The following VPS50 variants were observed in gnomAD, a reference collection of about 807,000 sequenced individuals.
VPS50 encodes the protein VPS50 subunit of EARP/GARPII complex, also known as syndetin.
In VPS50, 70 loss-of-function variants were observed where a neutral mutation model predicts 139.7. The observed-to-expected ratio is 0.50, with a 90% CI of 0.41 to 0.61. The LOEUF (loss-of-function observed/expected upper bound fraction) is 0.61, where lower values mean the gene tolerates loss of function less well. Ranked by LOEUF, VPS50 falls within the 20% of genes least tolerant of loss-of-function variation. The probability of loss-of-function intolerance (pLI) is 0.00; values close to 1 mark genes in which losing one functional copy is unlikely to be tolerated. For missense variants in VPS50, 921 were observed against 1,133.7 expected, an observed-to-expected ratio of 0.81 and a Z score of 2.69; for synonymous variants, 365 against 376.7, an observed-to-expected ratio of 0.97 and a Z score of 0.36.
intron 2 of VPS50, among the ~76,000 whole-genome samples, chr7:93,246,700 T>A (rs1411347524): frequency 6.6e-6 from 1 of 151,868 alleles, no homozygotes; most frequent in African/African-American, 2.4e-5. Context: ...TATTTTTAAT[T>A]AGTGTGGTAT....
intron 21 of VPS50, among the ~76,000 whole-genome samples, chr7:93,329,327 C>G (rs1258868386): frequency 6.6e-6 from 1 of 151,830 alleles, no homozygotes; most frequent in Admixed American, 6.6e-5. Context: ...AAAATTTACT[C>G]AATATACTTA....
intron 20 of VPS50, among the ~76,000 whole-genome samples, chr7:93,315,449 A>C (rs1797398356): frequency 6.6e-6 from 1 of 152,212 alleles, no homozygotes. Flanking sequence ...GAGTATATAC[A>C]TTTCCAGTTT....
In VPS50 at chr7:93,323,604, T is replaced by C. The variant is rs1797684082; in HGVS notation, c.1856-7T>C. On this transcript the variant is annotated splice_region_variant and splice_polypyrimidine_tract_variant and intron_variant, in intron 20 of 27. Transcript: ENST00000305866. ...CTGCTTAATTTTTTATTCTTTTTTC[T>C]TTTCAGGAAAATATATGCAGATGAT... 1 of 1,223,756 alleles carries C rather than the reference T, an allele frequency of 8.2e-7. No homozygotes were observed. Among genetic ancestry groups the C allele is most frequent in the East Asian group, 2.8e-5 (1 of 35,960 alleles). 75.8% of individuals were successfully genotyped at this position (1,223,756 alleles called of 1,614,324 possible). A position where few individuals can be genotyped will look rare whatever the true frequency, so the allele number is the denominator to read the frequency against.
chr7:93,257,603 G>A, intron 6 of VPS50, 139 bp downstream of exon 6: 1 of 547,480 alleles, frequency 1.8e-6, no homozygotes, highest in Non-Finnish European at 3.2e-6. Flanking sequence ...CATATATCAT[G>A]ATCTAAAGAC....
rs762096970 is a variant in VPS50 at position 93,237,563 on chromosome 7, C to T, written c.34-2303C>T. 3.3e-5 allele frequency among the ~76,000 whole-genome samples: 5 copies of T among 152,086 alleles called. No individual in the cohort carries two copies. The East Asian group carries it at 9.6e-4, about 29-fold the overall frequency. On this transcript the variant is annotated intron_variant, in intron 1 of 27. Coordinates refer to ENST00000305866, the MANE Select transcript of VPS50 (RefSeq NM_017667.4). ...TACATTTCAGGCATTGGTTTCTTTA[C>T]GGACTAGCTCTGGGGAAAGAGAAAT...
chr7:93,342,810 T>G (rs1798261711), intron 23 of VPS50, among the ~76,000 whole-genome samples: 2 of 152,008 alleles, frequency 1.3e-5, no homozygotes, highest in South Asian at 4.1e-4. Flanking sequence ...AGAAAGGACA[T>G]CCACACCAAA....
At chr7:93,257,638 T>C in intron 6 of VPS50, 174 bp downstream of exon 6, 1 of 470,386 alleles carries the variant, frequency 2.1e-6, no homozygotes, top group East Asian at 3.5e-5. Context: ...TTGTGGGAAA[T>C]ATCTCTAAGT....
At chr7:93,293,639 CTA>C (rs1796713255) in intron 13 of VPS50, among the ~76,000 whole-genome samples, 1 of 152,154 alleles carries the variant, frequency 6.6e-6, no homozygotes, top group Non-Finnish European at 1.5e-5. Context: ...GAAGAGGACT[CTA>C]GACTTTATCT....
chr7:93,260,988 G>GATACTTTC (rs1795652540), intron 9 of VPS50, among the ~76,000 whole-genome samples: 1 of 152,162 alleles, frequency 6.6e-6, no homozygotes, highest in Non-Finnish European at 1.5e-5. Flanking sequence ...TAGTACCAGT[G>GATACTTTC]ATACTTTCAT....
At chr7:93,308,488 A>G (rs979361335) in intron 18 of VPS50, among the ~76,000 whole-genome samples, 1 of 151,894 alleles carries the variant, frequency 6.6e-6, no homozygotes, top group Non-Finnish European at 1.5e-5. Context: ...GGAAATAAGT[A>G]TGGTGAAACT....
intron 12 of VPS50, among the ~76,000 whole-genome samples, chr7:93,288,644 A>G (rs1317347121): frequency 6.6e-6 from 1 of 152,168 alleles, no homozygotes. Context: ...AGCATATATG[A>G]TGTCAAAGAT....
Position 93,330,558 on chromosome 7 carries a change from G to A in VPS50, c.1978-3559G>A, listed in dbSNP as rs550800304. The stretch of plus-strand genomic sequence containing the variant: ...CACTTGAGCCCAGAAGTTCGAGACC[G>A]GACTGGAAAATATGGTGAAACCCAG... On this transcript the variant is annotated intron_variant, in intron 21 of 27. Transcript: ENST00000305866. Among the ~76,000 whole-genome samples, 43 of 151,934 alleles carry A rather than the reference G, an allele frequency of 2.8e-4. No individual in the cohort carries two copies. In the South Asian group the frequency reaches 6.2e-3, roughly 22 times the overall value.
At chr7:93,233,372 G>A (rs1794696889) in intron 1 of VPS50, among the ~76,000 whole-genome samples, 1 of 152,142 alleles carries the variant, frequency 6.6e-6, no homozygotes, top group South Asian at 2.1e-4. Flanking sequence ...AAATCAACAT[G>A]GCTTTTAGAA....
At chr7:93,340,139 T>G (rs1798173461) in intron 22 of VPS50, among the ~76,000 whole-genome samples, 1 of 152,182 alleles carries the variant, frequency 6.6e-6, no homozygotes, top group Non-Finnish European at 1.5e-5. Flanking sequence ...TACCTTGACC[T>G]CTCTCCTTCG....
intron 14 of VPS50, 49 bp downstream of exon 14, chr7:93,294,685 A>G: frequency 7.2e-7 from 1 of 1,380,892 alleles, no homozygotes; most frequent in Non-Finnish European, 1.0e-6. Flanking sequence ...TAGAAATGTC[A>G]TGTCATAGTT....
intron 23 of VPS50, among the ~76,000 whole-genome samples, chr7:93,343,679 C>A (rs1287885614): frequency 1.3e-5 from 2 of 152,194 alleles, no homozygotes; most frequent in Non-Finnish European, 2.9e-5. Context: ...GGCCAATATT[C>A]AACATTCTTA....
At chr7:93,313,116 A>G (rs1368793352) in intron 20 of VPS50, among the ~76,000 whole-genome samples, 2 of 152,192 alleles carry the variant, frequency 1.3e-5, no homozygotes, top group African/African-American at 4.8e-5. Flanking sequence ...AATCTGGAAC[A>G]TGGGGAGAAG....
At chr7:93,246,203 T>TA (rs957169787) in intron 2 of VPS50, 58 of 936,820 alleles carry the variant, frequency 6.2e-5, no homozygotes, top group Non-Finnish European at 8.2e-5. Context: ...ATGCAAACAG[T>TA]AAAAAAAAGT....
At chr7:93,283,456 G>C (rs148427043) in intron 12 of VPS50, among the ~76,000 whole-genome samples, 1 of 151,932 alleles carries the variant, frequency 6.6e-6, no homozygotes, top group Non-Finnish European at 1.5e-5. Context: ...GGCTGGTCTC[G>C]AAATCCTGAC....
Sources: gnomAD v4.1 joint callset for allele counts (sites outside exome capture counted in the v4.1 genomes callset) on GRCh38, gnomAD v4.1.1 for gene constraint, MANE v1.5 for transcripts, NCBI Gene and HGNC (gene_info 2026-07-23, HGNC 2026-07-21) for gene names.